Variants in MEAK7 observed in about 807,000 individuals in gnomAD.
MEAK7 encodes MTOR-associated protein MEAK7.
In MEAK7, 68 loss-of-function variants were observed where a neutral mutation model predicts 40.5. The ratio of observed to expected loss-of-function variants is 1.68; its 90% confidence interval spans 1.38 to 2.06. MEAK7 has a LOEUF of 2.06. MEAK7 is among the 30% of genes most tolerant of loss of function. The probability of loss-of-function intolerance (pLI) is 0.00; values close to 1 mark genes in which losing one functional copy is unlikely to be tolerated. For synonymous variants in MEAK7, 338 were observed against 231.9 expected (o/e 1.46, Z -4.16); for missense variants, 918 against 580.5 (o/e 1.58, Z -5.98).
At chr16:84,488,240 A>G (rs1304876618) in intron 4 of MEAK7, 1 of 152,202 alleles carries the variant, frequency 6.6e-6, no homozygotes, top group African/African-American at 2.4e-5. Flanking sequence ...ATGGATGAAC[A>G]GTTTACCCAT....
chr16:84,498,146 A>T, intron 1 of MEAK7, 35 bp from the exon 2 acceptor site: 1 of 1,527,220 alleles, frequency 6.5e-7, no homozygotes, highest in Non-Finnish European at 8.8e-7. Flanking sequence ...TAGAAAAATC[A>T]AAATTTAATA....
intron 1 of MEAK7, 30 bp downstream of exon 1, chr16:84,504,571 C>T: frequency 4.1e-6 from 4 of 985,154 alleles, no homozygotes; most frequent in Non-Finnish European, 4.8e-6. Context: ...TCTGGGTCAG[C>T]TCACTGCGAA....
chr16:84,486,950 G>T lies in MEAK7; in HGVS notation c.639C>A (p.Val213=). Residue 213 remains valine (V), a synonymous_variant, in exon 5 of 8, where the codon GTC becomes GTA. Transcript: ENST00000343629. ...ACAGGATGAGAAAGCCCTTGCAAAT[G>T]ACCACACTCAGGAATATGGCCACAT... ...VPHVAIFLSV[V]ICKGFLILCS... is the part of the protein sequence containing the mutation. The T allele has an allele frequency of 6.2e-7, 1 of 1,614,150 alleles. No individual in the cohort carries two copies. The highest frequency in any genetic ancestry group is 2.2e-5 in the East Asian group (1 of 44,874).
intron 3 of MEAK7, 57 bp downstream of exon 3, chr16:84,495,626 C>CCA: frequency 1.3e-6 from 2 of 1,553,852 alleles, no homozygotes; most frequent in Non-Finnish European, 1.8e-6. Context: ...TCCATCCCCC[C>CCA]ACCGATGGTC....
At chr16:84,492,391 G>T (rs1293487816) in intron 3 of MEAK7, among the ~76,000 whole-genome samples, 1 of 151,978 alleles carries the variant, frequency 6.6e-6, no homozygotes, top group Non-Finnish European at 1.5e-5. Context: ...AGACTTCACA[G>T]AGATTTAAGT....
At chr16:84,483,983 G>A (rs1912809205) in intron 5 of MEAK7, among the ~76,000 whole-genome samples, 1 of 152,210 alleles carries the variant, frequency 6.6e-6, no homozygotes, top group East Asian at 1.9e-4. Flanking sequence ...CAGCCCCAGA[G>A]GCTTGAGGGC....
chr16:84,483,887 G>A (rs141560369), intron 5 of MEAK7, among the ~76,000 whole-genome samples: 6 of 152,306 alleles, frequency 3.9e-5, no homozygotes, highest in African/African-American at 1.4e-4. Context: ...AAGGAGGATA[G>A]TTAGGCTAGA....
At chr16:84,500,592 G>C (rs994282049) in intron 1 of MEAK7, among the ~76,000 whole-genome samples, 1 of 152,196 alleles carries the variant, frequency 6.6e-6, no homozygotes, top group African/African-American at 2.4e-5. Context: ...ACACAGACAG[G>C]CTGGAAACGA....
At position 84,480,620 on chromosome 16, in the gene MEAK7, G is replaced by T; in HGVS notation, c.1166C>A (p.Thr389Lys). 1 of 1,614,052 alleles carries T rather than the reference G, an allele frequency of 6.2e-7. No individual in the cohort carries two copies. The highest frequency in any genetic ancestry group is 8.5e-7 in the Non-Finnish European group (1 of 1,179,978). ...GHSRAKPTCT[T>K]YNSPQLSAQE... ...AGCCGACAGCTGCGGGCTGTTGTAC[G>T]TGGTGCACGTGGGCTTGGCTCTGCT... The change falls in exon 7 of 8, where the codon ACG (threonine) becomes AAG (lysine). Residue 389 changes from threonine (T) to lysine (K), a missense_variant. By Grantham distance (78) the Thr-to-Lys change is moderately conservative. Coordinates refer to ENST00000343629, the MANE Select transcript of MEAK7 (RefSeq NM_020947.4).
intron 1 of MEAK7, among the ~76,000 whole-genome samples, chr16:84,503,312 G>C (rs1014123598): frequency 1.1e-4 from 17 of 152,184 alleles, no homozygotes; most frequent in African/African-American, 3.9e-4. Flanking sequence ...GCTTGCCCTA[G>C]GTGATGTCTG....
chr16:84,479,962 C>T lies in MEAK7; in HGVS notation c.1322G>A (p.Gly441Glu). 6.2e-7 allele frequency: 1 copy of T among 1,610,034 alleles called. No individual in the cohort carries two copies. ...PEAQALLEIS[G>E]HSRHSEGLRE... ...GAGCCCTTCGCTGTGGCGCGAATGC[C>T]CACTGATCTCCAGCAGGGCCTGGGC... The change falls in exon 8 of 8, where the codon GGG (glycine) becomes GAG (glutamate). Residue 441 changes from glycine to glutamate, a missense_variant. Physicochemically the swap from Gly to Glu is moderately conservative, Grantham distance 98 (BLOSUM62 -2). Coordinates refer to ENST00000343629, the MANE Select transcript of MEAK7 (RefSeq NM_020947.4).
chr16:84,489,353 C>T lies in MEAK7; in HGVS notation c.454G>A (p.Gly152Arg), dbSNP rs773721867. Reference sequence around the variant, plus strand: ...GGGTTGGGCCCTGGGGCTTCCTTCCCAGTCCAGCCTCTCAGCTCCTGTCTG... The same window carrying T: ...GGGTTGGGCCCTGGGGCTTCCTTCCTAGTCCAGCCTCTCAGCTCCTGTCTG... ...SHRQELRGWT[G>R]KEAPGPNPRV... Residue 152 changes from glycine (G) to arginine (R), a missense_variant, in exon 4 of 8, where the codon GGG (glycine) becomes AGG (arginine). Gly to Arg is a moderately radical substitution (Grantham distance 125, BLOSUM62 -2). Transcript: ENST00000343629. 1 of 1,614,086 alleles carries T rather than the reference C, an allele frequency of 6.2e-7. No individual in the cohort carries two copies. Among genetic ancestry groups the T allele is most frequent in the Non-Finnish European group, 8.5e-7 (1 of 1,180,046 alleles).
Position 84,497,476 on chromosome 16 carries a change from G to C in MEAK7, c.153+458C>G, listed in dbSNP as rs76095488. 7,142 of 1,290,190 alleles carry C rather than the reference G, an allele frequency of 5.5e-3. 368 individuals are homozygous for C. In the African/African-American group the frequency reaches 0.098, roughly 18 times the overall value. 79.9% of individuals were successfully genotyped at this position (1,290,190 alleles called of 1,614,324 possible). On this transcript the variant is annotated intron_variant, in intron 2 of 7. Transcript: ENST00000343629. ...CATGGTTCCTGGACCGACGAGTCCA[G>C]GAGGGCAGACCCATCACCGCGTCTG...
rs1336669646 is a variant in MEAK7 at position 84,480,594 on chromosome 16, G to A, written c.1192C>T (p.Gln398Ter). The change falls in exon 7 of 8, where the codon CAG (glutamine) becomes TAG (stop). Residue 398 changes from glutamine to a stop codon, truncating the protein, a stop_gained. Transcript: ENST00000343629. LOFTEE classifies it high-confidence loss of function. ...ATCTTATCAAACTGGAAGTTCTCCT[G>A]AGCCGACAGCTGCGGGCTGTTGTAC... The part of the protein sequence containing the change: ...TTYNSPQLSA[Q>*]ENFQFDKMEV... 1.9e-6 allele frequency: 3 copies of A among 1,613,942 alleles called. No individual in the cohort carries two copies. Among genetic ancestry groups the A allele is most frequent in the Non-Finnish European group, 8.5e-7 (1 of 1,179,996 alleles).
chr16:84,486,752 G>C lies in MEAK7; in HGVS notation c.837C>G (p.Phe279Leu), dbSNP rs1913101751. ...GAGTGATGTGGCCACAGAGCTGGGA[G>C]AAGCTGTGTCCATGGAGCTCAGACG... ...LFSSELHGHS[F>L]SQLCGHITHR... Residue 279 changes from phenylalanine (F) to leucine (L), a missense_variant, in exon 5 of 8, where the codon TTC becomes TTG. Coordinates refer to ENST00000343629, the MANE Select transcript of MEAK7 (RefSeq NM_020947.4). 4 of 1,613,938 alleles carry C rather than the reference G, an allele frequency of 2.5e-6. No homozygotes were observed. The highest frequency in any genetic ancestry group is 3.3e-5 in the Admixed American group (2 of 60,004).
At chr16:84,489,527 G>C (rs1446149113) in intron 3 of MEAK7, 105 bp from the exon 4 acceptor site, 1 of 1,305,074 alleles carries the variant, frequency 7.7e-7, no homozygotes, top group African/African-American at 1.5e-5. Context: ...AACTATGATG[G>C]GCCACAATGT....
chr16:84,480,422 G>T, intron 7 of MEAK7, 107 bp downstream of exon 7: 1 of 1,330,764 alleles, frequency 7.5e-7, no homozygotes, highest in Non-Finnish European at 1.0e-6. Flanking sequence ...TCAAATTTGG[G>T]ATAAACTATC....
At chr16:84,480,742 G>GC (rs755493742) in intron 6 of MEAK7, 34 bp from the exon 7 acceptor site, 51 of 1,581,010 alleles carry the variant, frequency 3.2e-5, no homozygotes, top group Non-Finnish European at 4.1e-5. Context: ...AATAGCATCA[G>GC]CAACTCCTCA....
Position 84,490,653 on chromosome 16 carries a change from GATGT to G in MEAK7, c.385-1235_385-1232del, listed in dbSNP as rs146988592. ...GTCAGCTTAATTAAAAGCTAATCAA[GATGT>G]GTGTGTGTGTGTGTGTGTGTGTGTG... On this transcript the variant is annotated intron_variant, in intron 3 of 7. Coordinates refer to ENST00000343629, the MANE Select transcript of MEAK7 (RefSeq NM_020947.4). 1.5e-3 allele frequency among the ~76,000 whole-genome samples: 155 copies of G among 104,494 alleles called. 1 individual carries two copies. Among genetic ancestry groups the G allele is most frequent in the African/African-American group, 4.9e-3 (120 of 24,652 alleles). 68.6% of individuals were successfully genotyped at this position (104,494 alleles called of 152,430 possible).
Sources: gnomAD v4.1 joint callset for allele counts (sites outside exome capture counted in the v4.1 genomes callset) on GRCh38, gnomAD v4.1.1 for gene constraint, MANE v1.5 for transcripts, NCBI Gene and HGNC (gene_info 2026-07-23, HGNC 2026-07-21) for gene names.